Variants in MICU1 observed in about 807,000 individuals in gnomAD.
The protein encoded by MICU1 is mitochondrial calcium uptake 1.
In MICU1, 45 loss-of-function variants were observed where a neutral mutation model predicts 56.8. That is an observed-to-expected ratio of 0.79 (90% CI 0.62 to 1.02). The LOEUF (loss-of-function observed/expected upper bound fraction) is 1.02. Among genes scored for constraint, MICU1 ranks in the 50% least tolerant of loss-of-function variants. MICU1 has a pLI of 0.00. For synonymous variants in MICU1, 186 were observed against 195.1 expected (o/e 0.95, Z 0.39); for missense variants, 504 against 587.1 (o/e 0.86, Z 1.46).
At chr10:72,577,741 A>T (rs1350950479) in intron 1 of MICU1, among the ~76,000 whole-genome samples, 1 of 152,194 alleles carries the variant, frequency 6.6e-6, no homozygotes, top group Non-Finnish European at 1.5e-5. Context: ...TTTAAAGTAA[A>T]GCCTGAAAAT....
rs563982567 is a variant in MICU1 at position 72,497,865 on chromosome 10, A to G, written c.652+10290T>C. 1.8e-3 allele frequency among the ~76,000 whole-genome samples: 270 copies of G among 152,346 alleles called. 1 individual carries two copies. The highest frequency in any genetic ancestry group is 3.1e-3 in the Non-Finnish European group (209 of 68,040). ...CACATCTCAAATATGCTTTCATTCA[A>G]ATATTTTTAGAATTACCACTAGCTA... On this transcript the variant is annotated intron_variant, in intron 6 of 11. Transcript: ENST00000361114.
intron 6 of MICU1, among the ~76,000 whole-genome samples, chr10:72,482,849 A>T (rs566605460): frequency 1.9e-4 from 28 of 146,826 alleles, no homozygotes; most frequent in Admixed American, 3.4e-4. Context: ...ATATATATAT[A>T]TATTTATTTA....
chr10:72,621,676 T>C (rs1259260713), intron 1 of MICU1, among the ~76,000 whole-genome samples: 1 of 152,100 alleles, frequency 6.6e-6, no homozygotes, highest in Non-Finnish European at 1.5e-5. Context: ...GCAATAAAAA[T>C]ATCAAGAATT....
intron 6 of MICU1, among the ~76,000 whole-genome samples, chr10:72,499,484 T>C (rs1866954683): frequency 6.6e-6 from 1 of 152,216 alleles, no homozygotes; most frequent in African/African-American, 2.4e-5. Context: ...CACATTGTGA[T>C]ACTTTTGGCC....
intron 1 of MICU1, among the ~76,000 whole-genome samples, chr10:72,591,341 A>C (rs1487488637): frequency 6.6e-6 from 1 of 152,176 alleles, no homozygotes; most frequent in African/African-American, 2.4e-5. Context: ...AGAACAAACT[A>C]AATCTAAAGT....
At chr10:72,586,020 T>C (rs1383878820) in intron 1 of MICU1, among the ~76,000 whole-genome samples, 2 of 132,622 alleles carry the variant, frequency 1.5e-5, no homozygotes, top group African/African-American at 2.8e-5. Context: ...TTTCTTTTTT[T>C]TTTTTTTTTT....
chr10:72,524,249 T>C (rs963873449), intron 5 of MICU1, among the ~76,000 whole-genome samples: 1 of 152,122 alleles, frequency 6.6e-6, no homozygotes, highest in Non-Finnish European at 1.5e-5. Context: ...GTCTCCTGAG[T>C]AGCTAGGACT....
At chr10:72,409,893 C>T (rs1040388893) in intron 9 of MICU1, among the ~76,000 whole-genome samples, 1 of 152,164 alleles carries the variant, frequency 6.6e-6, no homozygotes, top group African/African-American at 2.4e-5. Flanking sequence ...AAGGAACAGA[C>T]TATTATCATC....
At chr10:72,411,384 G>C (rs1398190755) in intron 9 of MICU1, among the ~76,000 whole-genome samples, 5 of 151,346 alleles carry the variant, frequency 3.3e-5, no homozygotes, top group African/African-American at 4.9e-5. Context: ...CTGGAGTGCA[G>C]TGGCGCGATC....
At chr10:72,515,196 G>C (rs978880577) in intron 5 of MICU1, among the ~76,000 whole-genome samples, 6 of 152,164 alleles carry the variant, frequency 3.9e-5, no homozygotes, top group African/African-American at 1.4e-4. Context: ...GTGGTCACCA[G>C]GTAAGTTAAA....
intron 8 of MICU1, among the ~76,000 whole-genome samples, chr10:72,428,744 G>A (rs1383716490): frequency 2.6e-5 from 4 of 152,244 alleles, no homozygotes; most frequent in East Asian, 3.9e-4. Flanking sequence ...CCAAAACCAC[G>A]AAGATAATAA....
At chr10:72,518,207 A>ATT (rs1046607963) in intron 5 of MICU1, among the ~76,000 whole-genome samples, 1 of 151,238 alleles carries the variant, frequency 6.6e-6, no homozygotes, top group African/African-American at 2.4e-5. Flanking sequence ...TAATTTTTGT[A>ATT]TTTTTTTGTA....
intron 8 of MICU1, among the ~76,000 whole-genome samples, chr10:72,437,754 T>C (rs1313420618): frequency 6.6e-6 from 1 of 152,072 alleles, no homozygotes; most frequent in East Asian, 1.9e-4. Context: ...AACCCTAGTC[T>C]CTGATAAAAC....
At chr10:72,623,722 C>A (rs1365805064) in intron 1 of MICU1, among the ~76,000 whole-genome samples, 1 of 152,058 alleles carries the variant, frequency 6.6e-6, no homozygotes, top group Non-Finnish European at 1.5e-5. Context: ...GCCTGTAGTT[C>A]CAGCTACTTC....
chr10:72,373,572 T>G (rs1420684684), intron 11 of MICU1, among the ~76,000 whole-genome samples: 1 of 152,130 alleles, frequency 6.6e-6, no homozygotes, highest in Non-Finnish European at 1.5e-5. Flanking sequence ...AAAATAAATC[T>G]CAGAGATGTT....
intron 3 of MICU1, among the ~76,000 whole-genome samples, chr10:72,552,642 G>A (rs566442440): frequency 1.3e-5 from 2 of 151,898 alleles, no homozygotes; most frequent in South Asian, 2.1e-4. Context: ...TGCAACCTTC[G>A]CCTCCGGGTT....
chr10:72,592,661 T>C (rs1269166521), intron 1 of MICU1, among the ~76,000 whole-genome samples: 1 of 152,148 alleles, frequency 6.6e-6, no homozygotes, highest in Non-Finnish European at 1.5e-5. Context: ...AATCCAAGGA[T>C]GGTTCAACAG....
At chr10:72,605,325 T>C (rs963698453) in intron 1 of MICU1, among the ~76,000 whole-genome samples, 10 of 152,200 alleles carry the variant, frequency 6.6e-5, no homozygotes, top group Admixed American at 1.3e-4. Context: ...ATTCCAGGAA[T>C]TTCCCACCCA....
intron 11 of MICU1, 91 bp from the exon 12 acceptor site, chr10:72,368,446 A>C: frequency 1.4e-6 from 2 of 1,408,966 alleles, no homozygotes; most frequent in Non-Finnish European, 2.0e-6. Flanking sequence ...AGTGGATTTC[A>C]AAGCCCAGAC....
Sources: allele counts gnomAD v4.1 joint callset (sites outside exome capture counted in the v4.1 genomes callset), GRCh38; gene constraint gnomAD v4.1.1; transcripts MANE v1.5; gene names NCBI Gene and HGNC (gene_info 2026-07-23, HGNC 2026-07-21).